The following SYN3 variants were observed in gnomAD, a reference collection of about 807,000 sequenced individuals.
SYN3 encodes synapsin III, also known as synapsin-3.
In SYN3, 35 loss-of-function variants were observed where a neutral mutation model predicts 65.8. That is an observed-to-expected ratio of 0.53 (90% CI 0.41 to 0.70). The LOEUF is 0.70. Among genes scored for constraint, SYN3 ranks in the 30% least tolerant of loss-of-function variants. The pLI, the probability that SYN3 is intolerant of heterozygous loss-of-function variation, is 0.00. For missense variants in SYN3, 680 were observed against 749.0 expected, an observed-to-expected ratio of 0.91 and a Z score of 1.08; for synonymous variants, 270 against 292.9, an observed-to-expected ratio of 0.92 and a Z score of 0.80.
At position 32,794,311 on chromosome 22, in the gene SYN3, T is replaced by C. The variant is rs551398986; in HGVS notation, c.711+70604A>G. Among the ~76,000 whole-genome samples, 35 of 152,250 alleles carry C rather than the reference T, an allele frequency of 2.3e-4. No individual in the cohort carries two copies. In the South Asian group the frequency reaches 7.1e-3, roughly 31 times the overall value. ...TCAGGAGGAAAATATGGGGGTGGTG[T>C]TGACATGAGTCCTCTAGCCTATGTG... is the stretch of plus-strand genomic sequence containing the variant. On this transcript the variant is annotated intron_variant, in intron 6 of 13. Coordinates refer to ENST00000358763, the MANE Select transcript of SYN3 (RefSeq NM_003490.4).
At chr22:32,787,058 CTTT>C (rs130552) in intron 6 of SYN3, among the ~76,000 whole-genome samples, 4 of 130,104 alleles carry the variant, frequency 3.1e-5, no homozygotes, top group Admixed American at 1.6e-4. Context: ...CTTTTCTTTT[CTTT>C]TTTTTTTTTT....
chr22:32,932,758 T>G (rs899168567), intron 3 of SYN3, among the ~76,000 whole-genome samples: 2 of 152,186 alleles, frequency 1.3e-5, no homozygotes, highest in African/African-American at 4.8e-5. Flanking sequence ...TATAACCACC[T>G]GTCTTAGTCT....
intron 1 of SYN3, among the ~76,000 whole-genome samples, chr22:33,020,640 T>C (rs1011615665): frequency 6.6e-5 from 10 of 152,168 alleles, no homozygotes; most frequent in South Asian, 4.1e-4. Context: ...TTTTGCAAGA[T>C]TGGGTCATAC....
intron 6 of SYN3, among the ~76,000 whole-genome samples, chr22:32,798,960 G>A (rs2046496796): frequency 6.6e-6 from 1 of 151,470 alleles, no homozygotes; most frequent in African/African-American, 2.4e-5. Context: ...CAAAGTGCTG[G>A]GATTACAGGC....
chr22:32,811,711 C>G (rs2267180), intron 6 of SYN3, among the ~76,000 whole-genome samples: 68,320 of 152,008 alleles, frequency 0.45, 15,886 homozygotes, highest in Admixed American at 0.55. Context: ...GTCATAGTTC[C>G]TAGTTAGTGG....
chr22:32,541,220 A>T (rs978828457), intron 8 of SYN3, among the ~76,000 whole-genome samples: 1 of 152,202 alleles, frequency 6.6e-6, no homozygotes, highest in Non-Finnish European at 1.5e-5. Flanking sequence ...TCAGAAGAGA[A>T]GAGAAAAATA....
chr22:33,045,285 TC>T (rs984082342), intron 1 of SYN3, among the ~76,000 whole-genome samples: 10 of 152,128 alleles, frequency 6.6e-5, no homozygotes, highest in Non-Finnish European at 1.5e-4. Flanking sequence ...CTGGCTGTGT[TC>T]CAGGTGAACT....
chr22:33,019,812 G>C (rs2053532051), intron 1 of SYN3, among the ~76,000 whole-genome samples: 1 of 152,054 alleles, frequency 6.6e-6, no homozygotes, highest in Non-Finnish European at 1.5e-5. Context: ...TAGAGGAGGG[G>C]TTTCACCATG....
At chr22:32,581,631 G>C (rs1399539054) in intron 7 of SYN3, among the ~76,000 whole-genome samples, 1 of 152,118 alleles carries the variant, frequency 6.6e-6, no homozygotes, top group Non-Finnish European at 1.5e-5. Context: ...GGCTCCCTAA[G>C]ATACCCTAAG....
chr22:32,685,058 T>G (rs1023298641), intron 6 of SYN3, among the ~76,000 whole-genome samples: 1 of 152,170 alleles, frequency 6.6e-6, no homozygotes, highest in African/African-American at 2.4e-5. Context: ...TATGGCTACA[T>G]TCCTTTCACA....
chr22:32,847,498 T>C (rs2048101215), intron 6 of SYN3, among the ~76,000 whole-genome samples: 1 of 152,216 alleles, frequency 6.6e-6, no homozygotes, highest in African/African-American at 2.4e-5. Flanking sequence ...CATTGATTCA[T>C]CTGAACCCTG....
intron 6 of SYN3, among the ~76,000 whole-genome samples, chr22:32,812,144 T>G (rs907310649): frequency 6.6e-5 from 10 of 152,218 alleles, no homozygotes; most frequent in African/African-American, 2.4e-4. Flanking sequence ...CTATGTGGTG[T>G]GTATTTCACT....
chr22:32,774,054 G>T (rs1192845629), intron 6 of SYN3, among the ~76,000 whole-genome samples: 1 of 152,082 alleles, frequency 6.6e-6, no homozygotes, highest in Non-Finnish European at 1.5e-5. Context: ...GGACAGGAAA[G>T]AAAAGAGTGA....
chr22:32,908,812 T>C (rs2049972286), intron 4 of SYN3, among the ~76,000 whole-genome samples: 1 of 152,186 alleles, frequency 6.6e-6, no homozygotes, highest in African/African-American at 2.4e-5. Context: ...TGGATTTAGA[T>C]GGAGACCATT....
intron 7 of SYN3, among the ~76,000 whole-genome samples, chr22:32,575,860 C>CT (rs2058843219): frequency 6.6e-6 from 1 of 151,962 alleles, no homozygotes; most frequent in South Asian, 2.1e-4. Context: ...AGTTCCCCTT[C>CT]TTTCCTCAAG....
chr22:32,951,918 C>T (rs534406093), intron 3 of SYN3, among the ~76,000 whole-genome samples: 1 of 152,340 alleles, frequency 6.6e-6, no homozygotes, highest in South Asian at 2.1e-4. Context: ...TCGGCCTCTT[C>T]TGACTGCTCC....
intron 7 of SYN3, among the ~76,000 whole-genome samples, chr22:32,581,787 T>A (rs2058947514): frequency 9.0e-6 from 1 of 110,868 alleles, no homozygotes; most frequent in African/African-American, 3.4e-5. Flanking sequence ...TTTCTTTCTT[T>A]CTTTCTTTTT....
intron 6 of SYN3, among the ~76,000 whole-genome samples, chr22:32,842,985 A>C (rs572230352): frequency 7.4e-4 from 112 of 152,308 alleles, no homozygotes; most frequent in African/African-American, 2.6e-3. Context: ...TCTGCAGTGA[A>C]AGTGGGGAAT....
At chr22:32,761,670 T>C (rs904089071) in intron 6 of SYN3, among the ~76,000 whole-genome samples, 1 of 152,184 alleles carries the variant, frequency 6.6e-6, no homozygotes, top group African/African-American at 2.4e-5. Context: ...CAGATTTCTT[T>C]GGTGATAACA....
Sources: allele counts gnomAD v4.1 joint callset (sites outside exome capture counted in the v4.1 genomes callset), GRCh38; gene constraint gnomAD v4.1.1; transcripts MANE v1.5; gene names NCBI Gene and HGNC (gene_info 2026-07-23, HGNC 2026-07-21).